DLC1: variants seen among roughly 807,000 people sequenced by gnomAD.
The protein encoded by DLC1 is DLC1 Rho GTPase activating protein.
DLC1 carries 54 observed loss-of-function variants against 140.3 expected under a neutral mutation model. That is an observed-to-expected ratio of 0.38 (90% CI 0.31 to 0.48). The LOEUF (loss-of-function observed/expected upper bound fraction) is 0.48. Among genes scored for constraint, DLC1 ranks in the 20% least tolerant of loss-of-function variants. The probability of loss-of-function intolerance (pLI) is 0.96; values close to 1 mark genes in which losing one functional copy is unlikely to be tolerated. For missense variants in DLC1, 2,536 were observed against 1,907.0 expected (o/e 1.33, Z -6.14); for synonymous variants, 986 against 728.1 (o/e 1.35, Z -5.70).
chr8:13,589,377 T>C (rs180814755), intron 1 of DLC1, among the ~76,000 whole-genome samples: 1 of 152,214 alleles, frequency 6.6e-6, no homozygotes, highest in Admixed American at 6.5e-5. Context: ...CAAGGCACAA[T>C]GAGTCTCCAT....
rs780451432 is a variant in DLC1, at chr8:13,122,339, G to A, written c.1349-6682C>T. Among the ~76,000 whole-genome samples the A allele has an allele frequency of 9.9e-5, 15 of 152,216 alleles. 1 individual carries two copies. The highest frequency in any genetic ancestry group is 2.0e-4 in the Admixed American group (3 of 15,290). On this transcript the variant is annotated intron_variant, in intron 5 of 17. Coordinates refer to ENST00000276297, the MANE Select transcript of DLC1 (RefSeq NM_182643.3). ...CCAAACTCCTTGGAGTTCTGAGGAC[G>A]TACCAAGCTCTCATACCTTAAGCCC...
intron 5 of DLC1, among the ~76,000 whole-genome samples, chr8:13,219,586 C>T (rs1411469814): frequency 4.6e-5 from 7 of 151,386 alleles, no homozygotes; most frequent in South Asian, 2.1e-4. Flanking sequence ...TTCCTTCGTG[C>T]TCAGAAGCCC....
At chr8:13,603,425 G>C (rs1805953410) in intron 1 of DLC1, among the ~76,000 whole-genome samples, 3 of 151,420 alleles carry the variant, frequency 2.0e-5, no homozygotes, top group Non-Finnish European at 4.4e-5. Context: ...TTCCTAGCTG[G>C]TATGGAAACT....
chr8:13,549,788 T>C (rs1905014), intron 1 of DLC1, among the ~76,000 whole-genome samples: 66,984 of 151,866 alleles, frequency 0.44, 14,878 homozygotes, highest in South Asian at 0.65. Flanking sequence ...AGGCATGTCA[T>C]GCATTTGGAT....
At chr8:13,516,834 A>C (rs529167481), upstream of DLC1, among the ~76,000 whole-genome samples, 1 of 152,274 alleles carries the variant, frequency 6.6e-6, no homozygotes, top group South Asian at 2.1e-4. Context: ...GTTTTATTTT[A>C]CAAATAAAGT....
chr8:13,316,973 C>T (rs1286586586), intron 4 of DLC1, among the ~76,000 whole-genome samples: 7 of 151,842 alleles, frequency 4.6e-5, no homozygotes, highest in South Asian at 4.2e-4. Flanking sequence ...ATTGAAATTT[C>T]CTTTCTCTCC....
At chr8:13,182,787 T>C (rs1255016604) in intron 5 of DLC1, among the ~76,000 whole-genome samples, 1 of 152,182 alleles carries the variant, frequency 6.6e-6, no homozygotes, top group Non-Finnish European at 1.5e-5. Context: ...TTGCTTAGGA[T>C]TGTCTTGGCA....
chr8:13,148,773 A>T (rs888362311), intron 5 of DLC1, among the ~76,000 whole-genome samples: 1 of 152,134 alleles, frequency 6.6e-6, no homozygotes, highest in Non-Finnish European at 1.5e-5. Context: ...CTAGCTGGCC[A>T]GTAATGAGGT....
chr8:13,199,319 G>C (rs1045441603), intron 5 of DLC1, among the ~76,000 whole-genome samples: 4 of 151,282 alleles, frequency 2.6e-5, no homozygotes, highest in African/African-American at 9.7e-5. Context: ...AAATAGCTGG[G>C]AATACAGGCA....
chr8:13,597,159 C>G (rs1473178861), intron 1 of DLC1, among the ~76,000 whole-genome samples: 2 of 152,006 alleles, frequency 1.3e-5, no homozygotes, highest in Non-Finnish European at 2.9e-5. Flanking sequence ...AAATTCTTAT[C>G]AAATTTATTG....
chr8:13,312,360 CAAAAAAAAAAAA>C (rs777597726), intron 4 of DLC1, among the ~76,000 whole-genome samples: 2 of 6,638 alleles, frequency 3.0e-4, no homozygotes, highest in Non-Finnish European at 6.6e-4. Context: ...GACTCCGTCT[CAAAAAAAAAAAA>C]AAAAAAAAAA....
chr8:13,586,525 T>C (rs956876274), intron 1 of DLC1, among the ~76,000 whole-genome samples: 1 of 151,782 alleles, frequency 6.6e-6, no homozygotes, highest in Non-Finnish European at 1.5e-5. Flanking sequence ...GGTTAGTAAC[T>C]GAATGAATTG....
intron 1 of DLC1, among the ~76,000 whole-genome samples, chr8:13,521,291 T>C (rs1271760091): frequency 6.6e-6 from 1 of 151,974 alleles, no homozygotes; most frequent in Non-Finnish European, 1.5e-5. Context: ...AAATAGCTAA[T>C]GCACGTGGGG....
In DLC1 at chr8:13,599,500, G is replaced by T. The variant is rs530746110; in HGVS notation, c.-126+5037C>A. Reference sequence around the variant, plus strand: ...TTCCAGATGAATAAAAAGACAGAGTGCCCTAATTTCTTTTGTAAGTTTATT... The same window carrying T: ...TTCCAGATGAATAAAAAGACAGAGTTCCCTAATTTCTTTTGTAAGTTTATT... On this transcript the variant is annotated intron_variant, in intron 1 of 1. Transcript: ENST00000631382. Among the ~76,000 whole-genome samples the T allele has an allele frequency of 6.6e-5, 10 of 151,994 alleles. No homozygotes were observed. In the East Asian group the frequency reaches 1.9e-3, roughly 29 times the overall value.
intron 5 of DLC1, among the ~76,000 whole-genome samples, chr8:13,300,517 G>T (rs910583047): frequency 2.0e-4 from 30 of 152,122 alleles, no homozygotes; most frequent in Non-Finnish European, 4.1e-4. Flanking sequence ...CCAGTCTCCT[G>T]CTAGAGCTTC....
At chr8:13,277,540 G>A (rs1168471824) in intron 5 of DLC1, among the ~76,000 whole-genome samples, 1 of 151,974 alleles carries the variant, frequency 6.6e-6, no homozygotes, top group Non-Finnish European at 1.5e-5. Flanking sequence ...CCCCCAAAAT[G>A]TAAAAAAAGT....
intron 7 of DLC1, among the ~76,000 whole-genome samples, chr8:13,103,799 C>T (rs1819311528): frequency 7.2e-6 from 1 of 137,990 alleles, no homozygotes; most frequent in Non-Finnish European, 1.5e-5. Context: ...GAGATTGTGC[C>T]ACTGCACTCC....
rs11321891 is a variant in DLC1 at position 13,443,657 on chromosome 8, CAAAAAAAAAAAA to C, written c.1024-42050_1024-42039del. On this transcript the variant is annotated intron_variant, in intron 2 of 17. Coordinates refer to ENST00000276297, the MANE Select transcript of DLC1 (RefSeq NM_182643.3). ...TAGGCAACACAGCGAGACTCCGTCTCAAAAAAAAAAAAAAAAAAGAAAAAGAAAAAAACAGAA... is the reference window on the plus strand; with the variant it reads ...TAGGCAACACAGCGAGACTCCGTCTCAAAAAAGAAAAAGAAAAAAACAGAA... Among the ~76,000 whole-genome samples, 19 of 67,034 alleles carry C rather than the reference CAAAAAAAAAAAA, an allele frequency of 2.8e-4. No homozygotes were observed. The Admixed American group carries it at 2.9e-3, about 10-fold the overall frequency. 44.0% of individuals were successfully genotyped at this position (67,034 alleles called of 152,430 possible). A position where few individuals can be genotyped will look rare whatever the true frequency, so the allele number is the denominator to read the frequency against.
intron 5 of DLC1, among the ~76,000 whole-genome samples, chr8:13,164,023 G>A (rs528178984): frequency 9.9e-5 from 15 of 152,176 alleles, no homozygotes; most frequent in East Asian, 1.9e-4. Flanking sequence ...TCAGCCGGGC[G>A]TGGTGGCTCA....
Sources: gnomAD v4.1 joint callset for allele counts (sites outside exome capture counted in the v4.1 genomes callset) on GRCh38, gnomAD v4.1.1 for gene constraint, MANE v1.5 for transcripts, NCBI Gene and HGNC (gene_info 2026-07-23, HGNC 2026-07-21) for gene names.